RC3H2: variants seen among roughly 807,000 people sequenced by gnomAD.
RC3H2 encodes ring finger and CCCH-type domains 2.
A neutral mutation model predicts 133.3 loss-of-function variants in RC3H2; 31 were observed. The ratio of observed to expected loss-of-function variants is 0.23; its 90% CI spans 0.17 to 0.31. The LOEUF (loss-of-function observed/expected upper bound fraction) is 0.31. Among genes scored for constraint, RC3H2 ranks in the 10% least tolerant of loss-of-function variants. The probability of loss-of-function intolerance (pLI) is 1.00; values close to 1 mark genes in which losing one functional copy is unlikely to be tolerated. For synonymous variants in RC3H2, 517 were observed against 502.2 expected (o/e 1.03, Z -0.40); for missense variants, 1,175 against 1,437.2 (o/e 0.82, Z 2.95).
intron 13 of RC3H2, among the ~76,000 whole-genome samples, chr9:122,857,342 T>C (rs981240381): frequency 6.6e-6 from 1 of 152,242 alleles, no homozygotes; most frequent in East Asian, 1.9e-4. Context: ...AAAATCATCC[T>C]GGTACACAAA....
chr9:122,857,788 G>A (rs542851230), intron 13 of RC3H2, 135 bp downstream of exon 13: 4 of 688,696 alleles, frequency 5.8e-6, no homozygotes, highest in Admixed American at 5.9e-5. Context: ...TATATTCAGT[G>A]TTTATTGAAC....
chr9:122,858,179 G>T, intron 12 of RC3H2, 86 bp from the exon 13 acceptor site: 1 of 1,246,076 alleles, frequency 8.0e-7, no homozygotes, highest in Non-Finnish European at 1.1e-6. Flanking sequence ...AACAGTTTAT[G>T]ATATTGTTGG....
chr9:122,886,507 G>T (rs1158888442), intron 4 of RC3H2, among the ~76,000 whole-genome samples: 2 of 152,046 alleles, frequency 1.3e-5, no homozygotes, highest in Non-Finnish European at 2.9e-5. Context: ...ACCATTTTAC[G>T]TGCCCACATT....
intron 20 of RC3H2, among the ~76,000 whole-genome samples, chr9:122,850,441 T>TAGATAGATAGATAGATAGAC (rs1386981167): frequency 1.3e-5 from 2 of 151,512 alleles, no homozygotes; most frequent in East Asian, 2.0e-4. Flanking sequence ...TATCTATAGA[T>TAGATAGATAGATAGATAGAC]AGATAGATAG....
chr9:122,888,972 C>A (rs991307878), intron 4 of RC3H2, among the ~76,000 whole-genome samples: 1 of 152,152 alleles, frequency 6.6e-6, no homozygotes, highest in Non-Finnish European at 1.5e-5. Context: ...CCCTTGCCAA[C>A]AGAATATATT....
At chr9:122,899,004 T>C (rs12378760) in intron 1 of RC3H2, among the ~76,000 whole-genome samples, 10,874 of 151,302 alleles carry the variant, frequency 0.072, 458 homozygotes, top group African/African-American at 0.1. Flanking sequence ...TTTAAAAATG[T>C]AGTCACATTC....
At chr9:122,879,368 TG>T (rs1384548412) in intron 8 of RC3H2, among the ~76,000 whole-genome samples, 2 of 151,760 alleles carry the variant, frequency 1.3e-5, no homozygotes, top group African/African-American at 2.4e-5. Flanking sequence ...CACTCCAGCC[TG>T]GGTGACAGAG....
chr9:122,869,278 A>C (rs1235944102), intron 9 of RC3H2, among the ~76,000 whole-genome samples: 5 of 152,178 alleles, frequency 3.3e-5, no homozygotes, highest in Non-Finnish European at 5.9e-5. Flanking sequence ...TTGGTGTCAT[A>C]ATTATATATG....
intron 1 of RC3H2, among the ~76,000 whole-genome samples, chr9:122,904,445 A>C (rs1386308331): frequency 1.3e-5 from 2 of 152,256 alleles, no homozygotes; most frequent in Non-Finnish European, 2.9e-5. Context: ...TGGGAAACAA[A>C]GATGCTTTCT....
At chr9:122,889,858 T>C (rs968618877) in intron 4 of RC3H2, among the ~76,000 whole-genome samples, 2 of 152,134 alleles carry the variant, frequency 1.3e-5, no homozygotes, top group African/African-American at 2.4e-5. Context: ...CGGATTTATA[T>C]TGGCTGGGTG....
At chr9:122,855,438 A>G in intron 14 of RC3H2, 41 bp from the exon 15 acceptor site, 1 of 1,540,064 alleles carries the variant, frequency 6.5e-7, no homozygotes, top group Non-Finnish European at 9.0e-7. Context: ...ACTGTTGGCA[A>G]TTACTTCAGC....
chr9:122,865,901 ATT>A (rs11294543), intron 9 of RC3H2, among the ~76,000 whole-genome samples: 4 of 151,952 alleles, frequency 2.6e-5, no homozygotes, highest in African/African-American at 7.3e-5. Context: ...GTTTATATGT[ATT>A]TTTTTTTCCC....
chr9:122,865,734 G>C, intron 9 of RC3H2, 77 bp from the exon 10 acceptor site: 2 of 1,240,616 alleles, frequency 1.6e-6, no homozygotes, highest in Non-Finnish European at 2.3e-6. Context: ...AATGGGCAAT[G>C]GGAATAGATT....
chr9:122,881,061 A>G (rs1040978639), intron 5 of RC3H2, among the ~76,000 whole-genome samples: 1 of 152,236 alleles, frequency 6.6e-6, no homozygotes, highest in Non-Finnish European at 1.5e-5. Flanking sequence ...AGTAAAAGTT[A>G]TAAGGCTTGA....
At chr9:122,866,439 CT>C (rs1310406086) in intron 9 of RC3H2, among the ~76,000 whole-genome samples, 2 of 142,600 alleles carry the variant, frequency 1.4e-5, no homozygotes, top group Non-Finnish European at 3.1e-5. Context: ...TTTCCACGGT[CT>C]CCCTCTGATG....
chr9:122,871,630 G>T (rs968757402), intron 9 of RC3H2, among the ~76,000 whole-genome samples: 3 of 151,572 alleles, frequency 2.0e-5, no homozygotes, highest in Non-Finnish European at 4.4e-5. Flanking sequence ...GCCAAATGTT[G>T]TATCTTCTAA....
intron 1 of RC3H2, among the ~76,000 whole-genome samples, chr9:122,902,272 G>A (rs1588120288): frequency 2.0e-5 from 3 of 152,106 alleles, no homozygotes; most frequent in Non-Finnish European, 2.9e-5. Flanking sequence ...TAGTGATGAC[G>A]AGAAAAATAC....
intron 1 of RC3H2, among the ~76,000 whole-genome samples, chr9:122,900,392 ATAT>A (rs1460289063): frequency 1.3e-5 from 2 of 152,172 alleles, no homozygotes; most frequent in Non-Finnish European, 2.9e-5. Context: ...TTCTTCAGTA[ATAT>A]TATCAGTAAA....
rs768799183 is a variant in RC3H2, at chr9:122,857,926, C to T, written c.2451G>A (p.Ala817=). 23 of 1,611,600 alleles carry T rather than the reference C, an allele frequency of 1.4e-5. No homozygotes were observed. Among genetic ancestry groups the T allele is most frequent in the East Asian group, 6.7e-5 (3 of 44,856 alleles). The change falls in exon 13 of 21, where the codon GCG becomes GCA. Residue 817 remains alanine, a synonymous_variant. Transcript: ENST00000357244. ...PSPLFSVDFR[A]DFSESVSGTK... The stretch of plus-strand genomic sequence containing the variant: ...AAGTAATTAAAACCTTTCTTACATC[C>T]GCACGAAAGTCTACACTGAACAGAG...
Sources: gnomAD v4.1 joint callset for allele counts (sites outside exome capture counted in the v4.1 genomes callset) on GRCh38, gnomAD v4.1.1 for gene constraint, MANE v1.5 for transcripts, NCBI Gene and HGNC (gene_info 2026-07-23, HGNC 2026-07-21) for gene names.